Variants in NALF1 observed in about 807,000 individuals in gnomAD.
The protein encoded by NALF1 is family with sequence similarity 155 member A.
A neutral mutation model predicts 48.4 loss-of-function variants in NALF1; 3 were observed. The ratio of observed to expected loss-of-function variants is 0.06; its 90% CI spans 0.03 to 0.16. NALF1 has a LOEUF of 0.16. NALF1 is among the 10% of genes least tolerant of loss of function. The pLI, the probability that NALF1 is intolerant of heterozygous loss-of-function variation, is 1.00. For missense variants in NALF1, 526 were observed against 571.5 expected, an observed-to-expected ratio of 0.92 and a Z score of 0.81; for synonymous variants, 262 against 245.7, an observed-to-expected ratio of 1.07 and a Z score of -0.62.
At chr13:107,829,314 G>A (rs1294660584) in intron 1 of NALF1, among the ~76,000 whole-genome samples, 1 of 152,218 alleles carries the variant, frequency 6.6e-6, no homozygotes, top group Non-Finnish European at 1.5e-5. Flanking sequence ...TAACTGCATT[G>A]GTCAGTCAAA....
At chr13:107,700,941 T>G (rs1448876579) in intron 1 of NALF1, among the ~76,000 whole-genome samples, 1 of 152,144 alleles carries the variant, frequency 6.6e-6, no homozygotes, top group Non-Finnish European at 1.5e-5. Context: ...CTATATCACC[T>G]TAAGCCCATT....
At chr13:107,812,806 GGTTC>G (rs1393379510) in intron 1 of NALF1, among the ~76,000 whole-genome samples, 1 of 151,968 alleles carries the variant, frequency 6.6e-6, no homozygotes, top group Non-Finnish European at 1.5e-5. Context: ...TTTGTTGGTT[GGTTC>G]GTTAGTTTGA....
At chr13:107,738,565 A>G (rs1876531979) in intron 1 of NALF1, among the ~76,000 whole-genome samples, 1 of 152,246 alleles carries the variant, frequency 6.6e-6, no homozygotes. Context: ...TTGTGTAATA[A>G]AAGTAGATTA....
At chr13:107,707,325 G>A (rs1040741009) in intron 1 of NALF1, among the ~76,000 whole-genome samples, 1 of 152,152 alleles carries the variant, frequency 6.6e-6, no homozygotes, top group African/African-American at 2.4e-5. Context: ...TAAAAATGAT[G>A]CATCCAATAT....
chr13:107,238,221 G>A (rs951784166), intron 1 of NALF1, among the ~76,000 whole-genome samples: 1 of 152,168 alleles, frequency 6.6e-6, no homozygotes, highest in African/African-American at 2.4e-5. Flanking sequence ...ACAACCCATG[G>A]AGGGTGTGAA....
At chr13:107,657,218 C>G (rs1329060617) in intron 1 of NALF1, among the ~76,000 whole-genome samples, 1 of 151,812 alleles carries the variant, frequency 6.6e-6, no homozygotes, top group Non-Finnish European at 1.5e-5. Context: ...CAGTTTCAAA[C>G]TTTTTCCTGA....
At chr13:107,851,606 C>T (rs1241312988) in intron 1 of NALF1, among the ~76,000 whole-genome samples, 1 of 151,948 alleles carries the variant, frequency 6.6e-6, no homozygotes, top group Non-Finnish European at 1.5e-5. Context: ...AAACGACGAC[C>T]CTTTCTTAAG....
intron 1 of NALF1, among the ~76,000 whole-genome samples, chr13:107,704,014 G>A (rs1343997650): frequency 6.6e-6 from 1 of 152,040 alleles, no homozygotes; most frequent in Admixed American, 6.5e-5. Context: ...CAGGAAACAT[G>A]TCCATTTTCC....
At chr13:107,862,033 T>C (rs1411167430) in intron 1 of NALF1, among the ~76,000 whole-genome samples, 2 of 152,148 alleles carry the variant, frequency 1.3e-5, no homozygotes, top group Admixed American at 1.3e-4. Context: ...AAAATAAAAA[T>C]GTGAGCATTC....
chr13:107,723,736 G>A (rs1876060162), intron 1 of NALF1, among the ~76,000 whole-genome samples: 1 of 152,148 alleles, frequency 6.6e-6, no homozygotes, highest in Non-Finnish European at 1.5e-5. Context: ...TGTGGAGAAG[G>A]AAGAAAATAA....
At chr13:107,670,069 G>T (rs1245663305) in intron 1 of NALF1, among the ~76,000 whole-genome samples, 1 of 152,086 alleles carries the variant, frequency 6.6e-6, no homozygotes, top group East Asian at 1.9e-4. Flanking sequence ...ATCTACTGTT[G>T]CAGTGATATG....
chr13:107,171,095 A>G (rs1370834103), intron 2 of NALF1, among the ~76,000 whole-genome samples: 1 of 152,238 alleles, frequency 6.6e-6, no homozygotes, highest in Non-Finnish European at 1.5e-5. Flanking sequence ...ATCAACTTGG[A>G]TATCAAGTAC....
intron 1 of NALF1, among the ~76,000 whole-genome samples, chr13:107,478,210 C>T (rs1226352728): frequency 6.6e-6 from 1 of 152,074 alleles, no homozygotes; most frequent in East Asian, 1.9e-4. Flanking sequence ...AGTTGGCAGT[C>T]AACACTCATT....
At chr13:107,864,909 T>G (rs1485013460) in intron 1 of NALF1, among the ~76,000 whole-genome samples, 1 of 152,204 alleles carries the variant, frequency 6.6e-6, no homozygotes, top group Non-Finnish European at 1.5e-5. Context: ...TCAGTAAATT[T>G]TAACTACATC....
chr13:107,800,608 A>G (rs1594276345), intron 1 of NALF1, among the ~76,000 whole-genome samples: 1 of 137,620 alleles, frequency 7.3e-6, no homozygotes, highest in African/African-American at 2.5e-5. Flanking sequence ...ATTATGTAAT[A>G]TAATATATAT....
At chr13:107,429,560 G>C (rs953056728) in intron 1 of NALF1, among the ~76,000 whole-genome samples, 2 of 152,182 alleles carry the variant, frequency 1.3e-5, no homozygotes, top group African/African-American at 4.8e-5. Flanking sequence ...AGTCTCACTA[G>C]TGTTTGATAA....
At chr13:107,810,344 A>T (rs965941599) in intron 1 of NALF1, among the ~76,000 whole-genome samples, 8 of 151,994 alleles carry the variant, frequency 5.3e-5, no homozygotes, top group African/African-American at 1.4e-4. Flanking sequence ...TTTATCTCAG[A>T]GTCTCTTCAT....
At chr13:107,717,946 T>C (rs1000863346) in intron 1 of NALF1, among the ~76,000 whole-genome samples, 2 of 152,194 alleles carry the variant, frequency 1.3e-5, no homozygotes, top group Non-Finnish European at 2.9e-5. Flanking sequence ...TGGTCCACAG[T>C]GCTGCTCACT....
At chr13:107,811,490 T>C (rs958969017) in intron 1 of NALF1, among the ~76,000 whole-genome samples, 2 of 152,206 alleles carry the variant, frequency 1.3e-5, no homozygotes, top group African/African-American at 4.8e-5. Flanking sequence ...ATGTGGCATA[T>C]GTATCCTCTT....
Sources: allele counts gnomAD v4.1 joint callset (sites outside exome capture counted in the v4.1 genomes callset), GRCh38; gene constraint gnomAD v4.1.1; transcripts MANE v1.5; gene names NCBI Gene and HGNC (gene_info 2026-07-23, HGNC 2026-07-21).